The following PDE7A variants were observed in gnomAD, a reference collection of about 807,000 sequenced individuals.
PDE7A encodes the protein high affinity 3',5'-cyclic-AMP phosphodiesterase 7A.
A neutral mutation model predicts 64.3 loss-of-function variants in PDE7A; 39 were observed. The observed-to-expected ratio is 0.61, with a 90% CI of 0.47 to 0.79. The LOEUF (loss-of-function observed/expected upper bound fraction) is 0.79, where lower values mean the gene tolerates loss of function less well. Ranked by LOEUF, PDE7A falls within the 30% of genes least tolerant of loss-of-function variation. The pLI is 0.00. For synonymous variants in PDE7A, 203 were observed against 206.8 expected, an observed-to-expected ratio of 0.98 and a Z score of 0.16; for missense variants, 470 against 582.8, an observed-to-expected ratio of 0.81 and a Z score of 1.99.
In PDE7A at chr8:65,747,954, CTATTTTATTT is replaced by C. The variant is rs775977019; in HGVS notation, c.284-161_284-152del. On this transcript the variant is annotated intron_variant, in intron 3 of 12. Coordinates refer to ENST00000401827, the MANE Select transcript of PDE7A (RefSeq NM_001242318.3). ...CCATGAAAGAAGTGATACTTTATTTCTATTTTATTTTATTTTTTTAAGTGAGTTCTCACTC... is the reference window on the plus strand; with the variant it reads ...CCATGAAAGAAGTGATACTTTATTTCTATTTTTTTAAGTGAGTTCTCACTC... 1.3e-4 allele frequency: 62 copies of C among 480,284 alleles called. 1 individual carries two copies. Among genetic ancestry groups the C allele is most frequent in the Non-Finnish European group, 2.1e-4 (57 of 275,382 alleles). The allele number at this position is 480,284 out of a possible 1,614,324, so 29.8% of individuals were successfully genotyped here. A position where few individuals can be genotyped will look rare whatever the true frequency, so the allele number is the denominator to read the frequency against.
At chr8:65,735,362 G>A (rs111507264) in intron 6 of PDE7A, among the ~76,000 whole-genome samples, 1 of 152,092 alleles carries the variant, frequency 6.6e-6, no homozygotes, top group Non-Finnish European at 1.5e-5. Context: ...AGGCTGGAGT[G>A]CAGTGACATG....
At chr8:65,836,903 C>CCTT (rs1810963315) in intron 1 of PDE7A, among the ~76,000 whole-genome samples, 1 of 152,154 alleles carries the variant, frequency 6.6e-6, no homozygotes, top group Non-Finnish European at 1.5e-5. Context: ...GGGCCATCCT[C>CCTT]CTTCCTCCTC....
intron 1 of PDE7A, among the ~76,000 whole-genome samples, chr8:65,830,965 C>A (rs1325466442): frequency 6.6e-6 from 1 of 151,984 alleles, no homozygotes; most frequent in African/African-American, 2.4e-5. Flanking sequence ...ATAAAAAATT[C>A]TGTTAAAATT....
chr8:65,784,567 A>C (rs925653908), intron 1 of PDE7A, among the ~76,000 whole-genome samples: 2 of 152,150 alleles, frequency 1.3e-5, no homozygotes, highest in African/African-American at 4.8e-5. Flanking sequence ...ACTGTCCTAT[A>C]AAAATCCCTA....
intron 1 of PDE7A, among the ~76,000 whole-genome samples, chr8:65,801,255 T>C (rs1029002516): frequency 1.3e-5 from 2 of 152,176 alleles, no homozygotes; most frequent in Non-Finnish European, 2.9e-5. Flanking sequence ...AATACTTCCA[T>C]TTCCAACAAT....
chr8:65,837,712 C>A (rs558556626), intron 1 of PDE7A, among the ~76,000 whole-genome samples: 2 of 152,330 alleles, frequency 1.3e-5, no homozygotes, highest in South Asian at 4.1e-4. Context: ...GATAAGCAAT[C>A]ATTTCTCACA....
chr8:65,839,223 T>TA (rs1554572851), intron 1 of PDE7A, among the ~76,000 whole-genome samples: 19,414 of 149,642 alleles, frequency 0.13, 1,258 homozygotes, highest in Middle Eastern at 0.16. Flanking sequence ...GTCTTTTTTT[T>TA]AAAAAAAAAA....
intron 1 of PDE7A, 139 bp downstream of exon 1, chr8:65,841,232 T>C (rs900199050): frequency 2.0e-6 from 2 of 981,446 alleles, no homozygotes; most frequent in South Asian, 2.5e-5. Context: ...GAAAAGGCTC[T>C]GCAATCGAAA....
intron 1 of PDE7A, among the ~76,000 whole-genome samples, chr8:65,801,075 G>A (rs1343301368): frequency 6.6e-6 from 1 of 150,466 alleles, no homozygotes; most frequent in Non-Finnish European, 1.5e-5. Context: ...AGAAATTCAG[G>A]CCTATGATCA....
At chr8:65,760,910 A>C (rs1317941002) in intron 3 of PDE7A, among the ~76,000 whole-genome samples, 1 of 140,590 alleles carries the variant, frequency 7.1e-6, no homozygotes, top group East Asian at 1.9e-4. Context: ...AATAATTAAC[A>C]TCATTTAGGA....
chr8:65,723,199 T>A (rs1806459303), intron 12 of PDE7A: 1 of 157,640 alleles, frequency 6.3e-6, no homozygotes, highest in Non-Finnish European at 1.4e-5. Flanking sequence ...ATTTTATTTA[T>A]TTTATTTTTG....
chr8:65,808,778 T>G (rs1395717724), intron 1 of PDE7A, among the ~76,000 whole-genome samples: 3 of 152,202 alleles, frequency 2.0e-5, no homozygotes, highest in African/African-American at 4.8e-5. Flanking sequence ...TTCCTTCCAT[T>G]TTATCTAGGA....
intron 3 of PDE7A, among the ~76,000 whole-genome samples, chr8:65,764,818 A>T (rs946737550): frequency 1.3e-5 from 2 of 152,254 alleles, no homozygotes; most frequent in East Asian, 3.8e-4. Flanking sequence ...TGAGGAACTA[A>T]GCGAAATTTA....
chr8:65,748,496 T>A (rs1375056244), intron 3 of PDE7A, among the ~76,000 whole-genome samples: 1 of 152,172 alleles, frequency 6.6e-6, no homozygotes, highest in African/African-American at 2.4e-5. Context: ...AAACCAGAGT[T>A]CCCTGGATTG....
rs1371820650 is a variant in PDE7A at position 65,715,235 on chromosome 8, G to A, written c.*4055C>T. On this transcript the variant is annotated 3_prime_UTR_variant, in exon 13 of 13. Coordinates refer to ENST00000401827, the MANE Select transcript of PDE7A (RefSeq NM_001242318.3). The stretch of plus-strand genomic sequence containing the variant: ...AAAAAATATTCCAGTAATATAGGTC[G>A]TATTTAAGTGGAGCTATAGGCCTGA... Among the ~76,000 whole-genome samples the A allele has an allele frequency of 2.6e-5, 4 of 151,906 alleles. No individual in the cohort carries two copies. The highest frequency in any genetic ancestry group is 1.5e-5 in the Non-Finnish European group (1 of 67,990).
At chr8:65,766,902 T>C (rs956752857) in intron 3 of PDE7A, among the ~76,000 whole-genome samples, 1 of 152,138 alleles carries the variant, frequency 6.6e-6, no homozygotes, top group African/African-American at 2.4e-5. Context: ...CTTTTTAAAA[T>C]GGGATGAGAG....
At chr8:65,735,788 G>A (rs1163529964) in intron 6 of PDE7A, among the ~76,000 whole-genome samples, 2 of 152,020 alleles carry the variant, frequency 1.3e-5, no homozygotes, top group Non-Finnish European at 2.9e-5. Flanking sequence ...ATCATGCTCG[G>A]CTAATTTTTG....
At chr8:65,791,307 A>G (rs539732933) in intron 1 of PDE7A, among the ~76,000 whole-genome samples, 28 of 152,292 alleles carry the variant, frequency 1.8e-4, no homozygotes, top group East Asian at 3.9e-4. Context: ...GCAAATCACC[A>G]CTTCTCTGTG....
At chr8:65,836,050 A>G (rs1810942563) in intron 1 of PDE7A, among the ~76,000 whole-genome samples, 1 of 152,230 alleles carries the variant, frequency 6.6e-6, no homozygotes, top group African/African-American at 2.4e-5. Flanking sequence ...TTCTGAAAAC[A>G]GAAATGAAGC....
Sources: gnomAD v4.1 joint callset for allele counts (sites outside exome capture counted in the v4.1 genomes callset) on GRCh38, gnomAD v4.1.1 for gene constraint, MANE v1.5 for transcripts, NCBI Gene and HGNC (gene_info 2026-07-23, HGNC 2026-07-21) for gene names.